Variants in NOP58 observed in about 807,000 individuals in gnomAD.
The protein encoded by NOP58 is nucleolar protein 58.
Under a neutral mutation model 71.2 loss-of-function variants are expected in NOP58, and 44 were observed. The observed-to-expected ratio is 0.62, with a 90% CI of 0.49 to 0.79. NOP58 has a LOEUF of 0.79. NOP58 is among the 30% of genes least tolerant of loss of function. NOP58 has a pLI of 0.00. For missense variants in NOP58, 538 were observed against 620.2 expected (o/e 0.87, Z 1.41); for synonymous variants, 228 against 200.3 (o/e 1.14, Z -1.17).
At chr2:202,302,868 A>G (rs887942468) in intron 13 of NOP58, 53 bp from the exon 14 acceptor site, 3 of 1,549,674 alleles carry the variant, frequency 1.9e-6, no homozygotes, top group Admixed American at 4.1e-5. Context: ...TTTGGAAGGA[A>G]TGAGATCTGA....
chr2:202,286,724 G>T (rs1688792454), intron 5 of NOP58, among the ~76,000 whole-genome samples: 1 of 152,086 alleles, frequency 6.6e-6, no homozygotes, highest in Non-Finnish European at 1.5e-5. Flanking sequence ...TATAGCAGTG[G>T]TTCCCTATCA....
At chr2:202,285,447 C>G (rs1189341077) in intron 5 of NOP58, among the ~76,000 whole-genome samples, 1 of 148,086 alleles carries the variant, frequency 6.8e-6, no homozygotes, top group African/African-American at 2.5e-5. Flanking sequence ...ATCCTGGACT[C>G]AAACAATGCC....
chr2:202,276,340 CAAAAA>C, intron 2 of NOP58: 10 of 175,614 alleles, frequency 5.7e-5, no homozygotes, highest in Middle Eastern at 2.6e-3. Flanking sequence ...ACCCTGTCTC[CAAAAA>C]AAAAAAAAAA....
chr2:202,272,141 G>C, intron 1 of NOP58, among the ~76,000 whole-genome samples: 1 of 144,114 alleles, frequency 6.9e-6, no homozygotes, highest in Non-Finnish European at 1.5e-5. Flanking sequence ...GGTTTGTTCT[G>C]ATGTATAATT....
In NOP58 at chr2:202,291,173, A is replaced by C. The variant is rs147158311; in HGVS notation, c.683A>C (p.Glu228Ala). 8,249 of 1,613,286 alleles carry C rather than the reference A, an allele frequency of 5.1e-3. 30 individuals are homozygous for C. Among genetic ancestry groups the C allele is most frequent in the Non-Finnish European group, 5.9e-3 (6,959 of 1,179,752 alleles). Residue 228 changes from glutamate to alanine, a missense_variant, in exon 8 of 15, where the codon GAA (glutamate) becomes GCA (alanine). Coordinates refer to ENST00000264279, the MANE Select transcript of NOP58 (RefSeq NM_015934.5). The part of the protein sequence containing the change: ...ASAKLSELLP[E>A]EVEAEVKAAA... ...GCCAAGCTTTCTGAGTTGCTGCCAG[A>C]AGAAGTTGAAGCAGAAGTGAAAGCA...
rs144449862 is a variant in NOP58, at chr2:202,303,607, T to G, written c.*171T>G. On this transcript the variant is annotated 3_prime_UTR_variant, in exon 15 of 15. Coordinates refer to ENST00000264279, the MANE Select transcript of NOP58 (RefSeq NM_015934.5). ...CTTGACATCAACTCTGTTAACCTTA[T>G]GTCATCATTTCTTAGAGTCTTTGAT... 1.4e-6 allele frequency: 1 copy of G among 736,578 alleles called. No homozygotes were observed. Among genetic ancestry groups the G allele is most frequent in the African/African-American group, 1.8e-5 (1 of 55,754 alleles). 45.6% of individuals were successfully genotyped at this position (736,578 alleles called of 1,614,324 possible). A position where few individuals can be genotyped will look rare whatever the true frequency, so the allele number is the denominator to read the frequency against.
chr2:202,294,286 A>G (rs1366112682), intron 9 of NOP58, among the ~76,000 whole-genome samples: 2 of 150,032 alleles, frequency 1.3e-5, no homozygotes, highest in Non-Finnish European at 3.0e-5. Context: ...GACATTGCAC[A>G]CAGCAGTGGT....
intron 6 of NOP58, among the ~76,000 whole-genome samples, chr2:202,288,165 T>C (rs539354405): frequency 1.3e-5 from 2 of 152,282 alleles, no homozygotes; most frequent in African/African-American, 2.4e-5. Flanking sequence ...TTGTGTATTC[T>C]GCTGTGTCAT....
rs1046531780 is a variant in NOP58, at chr2:202,277,599, G to A, written c.123-351G>A. 2.0e-5 allele frequency among the ~76,000 whole-genome samples: 3 copies of A among 152,012 alleles called. No homozygotes were observed. The East Asian group carries it at 5.8e-4, about 29-fold the overall frequency. ...ATGAATATCATGAGATTCCTAAAAA[G>A]GACTCACGTACGTTTTCTTGAGTCA... On this transcript the variant is annotated intron_variant, in intron 2 of 14. Transcript: ENST00000264279.
intron 1 of NOP58, among the ~76,000 whole-genome samples, chr2:202,267,343 C>G (rs1160837880): frequency 6.6e-6 from 1 of 152,126 alleles, no homozygotes; most frequent in Non-Finnish European, 1.5e-5. Context: ...CCATGTTTCA[C>G]TTCTGACATT....
rs1559269002 is a variant in NOP58, at chr2:202,303,005, T to TTAAGGAAGAACCACTTTC, written c.1489_1506dup (p.Lys497_Ser502dup). On this transcript the variant is annotated inframe_insertion, in exon 14 of 15. Coordinates refer to ENST00000264279, the MANE Select transcript of NOP58 (RefSeq NM_015934.5). ...AAGAAAAGGGGTAAAAAGAAACACATTAAGGAAGAACCACTTTCTGAGGAA... is the reference window on the plus strand; with the variant it reads ...AAGAAAAGGGGTAAAAAGAAACACATTAAGGAAGAACCACTTTCTAAGGAAGAACCACTTTCTGAGGAA... 1.2e-6 allele frequency: 2 copies of TTAAGGAAGAACCACTTTC among 1,612,994 alleles called. No homozygotes were observed. Among genetic ancestry groups the TTAAGGAAGAACCACTTTC allele is most frequent in the African/African-American group, 1.3e-5 (1 of 75,020 alleles).
intron 13 of NOP58, among the ~76,000 whole-genome samples, chr2:202,301,005 T>A (rs2105858830): frequency 6.6e-6 from 1 of 152,354 alleles, no homozygotes; most frequent in African/African-American, 2.4e-5. Flanking sequence ...GTGGATAGTA[T>A]ACTTGATAGA....
At chr2:202,281,525 G>A (rs1280049642) in intron 3 of NOP58, among the ~76,000 whole-genome samples, 1 of 152,040 alleles carries the variant, frequency 6.6e-6, no homozygotes, top group African/African-American at 2.4e-5. Context: ...CTGCAGCCTT[G>A]AACTCCCTGG....
In NOP58 at chr2:202,265,796, C is replaced by G. The variant is rs907802730; in HGVS notation, c.-146C>G. The G allele has an allele frequency of 1.3e-6, 1 of 794,780 alleles. No individual in the cohort carries two copies. The highest frequency in any genetic ancestry group is 2.1e-6 in the Non-Finnish European group (1 of 471,104). 49.2% of individuals were successfully genotyped at this position (794,780 alleles called of 1,614,324 possible). A position where few individuals can be genotyped will look rare whatever the true frequency, so the allele number is the denominator to read the frequency against. On this transcript the variant is annotated 5_prime_UTR_variant, in exon 1 of 15. Coordinates refer to ENST00000264279, the MANE Select transcript of NOP58 (RefSeq NM_015934.5). ...AGTACAGCGTGGAGGGTTTAGGCAG[C>G]GTGTTCTGATTCTTTGCGGGACGGC...
At chr2:202,293,092 T>C (rs776407161) in intron 9 of NOP58, 189 bp downstream of exon 9, 5 of 772,970 alleles carry the variant, frequency 6.5e-6, no homozygotes, top group African/African-American at 5.1e-5. Flanking sequence ...GATTTCCTTT[T>C]GGATAATGAA....
chr2:202,301,553 A>T (rs939206786), intron 13 of NOP58, among the ~76,000 whole-genome samples: 14 of 152,088 alleles, frequency 9.2e-5, no homozygotes, highest in African/African-American at 3.4e-4. Context: ...CTCATAACTC[A>T]ATCTAGTCTG....
intron 3 of NOP58, 55 bp downstream of exon 3, chr2:202,278,057 T>A: frequency 9.5e-7 from 1 of 1,056,210 alleles, no homozygotes; most frequent in Non-Finnish European, 1.5e-6. Context: ...CTTAGCCGTT[T>A]GTTTTTCTTG....
At chr2:202,274,995 T>C in intron 1 of NOP58, 118 bp from the exon 2 acceptor site, 1 of 539,160 alleles carries the variant, frequency 1.9e-6, no homozygotes, top group Non-Finnish European at 3.2e-6. Context: ...TTCATTATCT[T>C]AGTGAAAGAA....
rs895802445 is a variant in NOP58 at position 202,282,482 on chromosome 2, C to G, written c.297+10C>G. On this transcript the variant is annotated intron_variant, in intron 4 of 14. Transcript: ENST00000264279. ...AGGAGGGGTCATAAAGGTAAAGTCA[C>G]GATATTTTTGGTCATGCCTGCTAGT... 1.3e-5 allele frequency: 21 copies of G among 1,602,046 alleles called. No individual in the cohort carries two copies. Among genetic ancestry groups the G allele is most frequent in the Non-Finnish European group, 1.7e-5 (20 of 1,177,062 alleles).
Sources: allele counts gnomAD v4.1 joint callset (sites outside exome capture counted in the v4.1 genomes callset), GRCh38; gene constraint gnomAD v4.1.1; transcripts MANE v1.5; gene names NCBI Gene and HGNC (gene_info 2026-07-23, HGNC 2026-07-21).